Variants in CCDC66 observed in about 807,000 individuals in gnomAD.
CCDC66 encodes coiled-coil domain-containing protein 66.
A neutral mutation model predicts 128.3 loss-of-function variants in CCDC66; 133 were observed. The ratio of observed to expected loss-of-function variants is 1.04; its 90% CI spans 0.90 to 1.20. The LOEUF is 1.20. Among genes scored for constraint, CCDC66 ranks in the 50% most tolerant of loss-of-function variants. The pLI is 0.00. For synonymous variants in CCDC66, 387 were observed against 357.0 expected (o/e 1.08, Z -0.95); for missense variants, 1,126 against 1,075.5 (o/e 1.05, Z -0.66).
rs3064563 is a variant in CCDC66 at position 56,597,777 on chromosome 3, G to GTTTTTTTTTTTTTTTTTTTTTTTTTTT, written c.1404+3764_1404+3765insTTTTTTTTTTTTTTTTTTTTTTTTTTT. On this transcript the variant is annotated intron_variant, in intron 10 of 17. Coordinates refer to ENST00000394672, the MANE Select transcript of CCDC66 (RefSeq NM_001141947.3). ...TGTGGAGTCTAGGTTTTGTTTTGGG[G>GTTTTTTTTTTTTTTTTTTTTTTTTTTT]TTTTTTTTTTTTTTTGAGACAGAGC... Among the ~76,000 whole-genome samples, 44 of 87,952 alleles carry GTTTTTTTTTTTTTTTTTTTTTTTTTTT rather than the reference G, an allele frequency of 5.0e-4. 3 individuals are homozygous for GTTTTTTTTTTTTTTTTTTTTTTTTTTT. Among genetic ancestry groups the GTTTTTTTTTTTTTTTTTTTTTTTTTTT allele is most frequent in the African/African-American group, 1.4e-3 (34 of 23,806 alleles). The allele number at this position is 87,952 out of a possible 152,430, so 57.7% of individuals were successfully genotyped here.
intron 10 of CCDC66, among the ~76,000 whole-genome samples, chr3:56,596,182 G>T (rs1346023790): frequency 6.6e-6 from 1 of 152,170 alleles, no homozygotes; most frequent in African/African-American, 2.4e-5. Flanking sequence ...GCCTCCCAGA[G>T]TGCTGGGATT....
In CCDC66 at chr3:56,613,650, G is replaced by GA; in HGVS notation, c.1469dup (p.Lys491GlufsTer15). 6.2e-7 allele frequency: 1 copy of GA among 1,614,044 alleles called. No individual in the cohort carries two copies. The highest frequency in any genetic ancestry group is 8.5e-7 in the Non-Finnish European group (1 of 1,179,936). On this transcript the variant is annotated frameshift_variant, in exon 11 of 18. Coordinates refer to ENST00000394672, the MANE Select transcript of CCDC66 (RefSeq NM_001141947.3). LOFTEE classifies it high-confidence loss of function. ...AAGAAACAACTGGAGGAAGAGCAAAGAAAGAAGGAAGAACAAGAAGAGGAG... is the reference window on the plus strand; with the variant it reads ...AAGAAACAACTGGAGGAAGAGCAAAGAAAAGAAGGAAGAACAAGAAGAGGAG...
Position 56,588,554 on chromosome 3 carries a change from A to T in CCDC66, c.937-4416A>T, listed in dbSNP as rs545106736. On this transcript the variant is annotated intron_variant, in intron 7 of 17. Transcript: ENST00000394672. ...TCAACCTAAAAAATAAAAAGATCTCATGAGAACTTATCGCAATGATAGCAC... is the reference window on the plus strand; with the variant it reads ...TCAACCTAAAAAATAAAAAGATCTCTTGAGAACTTATCGCAATGATAGCAC... Among the ~76,000 whole-genome samples, 84 of 152,322 alleles carry T rather than the reference A, an allele frequency of 5.5e-4. No homozygotes were observed. In the South Asian group the frequency reaches 0.012, roughly 21 times the overall value.
At chr3:56,606,773 A>AG (rs1311825299) in intron 10 of CCDC66, among the ~76,000 whole-genome samples, 16 of 151,980 alleles carry the variant, frequency 1.1e-4, no homozygotes, top group Non-Finnish European at 2.1e-4. Flanking sequence ...TTATAGTTTC[A>AG]GGTCTTAGGT....
Position 56,580,326 on chromosome 3 carries a change from G to T in CCDC66, c.936+9024G>T, listed in dbSNP as rs537270104. Reference sequence around the variant, plus strand: ...GTCTCTGCATGTGAGATGGGTCTCCGGAATACAGCACACTGATGGGTCTTG... The same window carrying T: ...GTCTCTGCATGTGAGATGGGTCTCCTGAATACAGCACACTGATGGGTCTTG... On this transcript the variant is annotated intron_variant, in intron 7 of 17. Coordinates refer to ENST00000394672, the MANE Select transcript of CCDC66 (RefSeq NM_001141947.3). Among the ~76,000 whole-genome samples, 164 of 151,316 alleles carry T rather than the reference G, an allele frequency of 1.1e-3. 1 individual carries two copies. Among genetic ancestry groups the T allele is most frequent in the Non-Finnish European group, 7.6e-4 (52 of 67,992 alleles).
At position 56,590,426 on chromosome 3, in the gene CCDC66, G is replaced by C. The variant is rs554817839; in HGVS notation, c.937-2544G>C. On this transcript the variant is annotated intron_variant, in intron 7 of 17. Coordinates refer to ENST00000394672, the MANE Select transcript of CCDC66 (RefSeq NM_001141947.3). ...TTACATTAGGACTCTGTAACATCAG[G>C]AACTATTTTAGGGGAAGGTTGTAGT... 3.3e-5 allele frequency among the ~76,000 whole-genome samples: 5 copies of C among 152,208 alleles called. No individual in the cohort carries two copies. In the South Asian group the frequency reaches 1.0e-3, roughly 32 times the overall value.
chr3:56,592,313 C>A (rs1433768567), intron 7 of CCDC66, among the ~76,000 whole-genome samples: 2 of 152,164 alleles, frequency 1.3e-5, no homozygotes, highest in African/African-American at 2.4e-5. Flanking sequence ...CAATATTCAT[C>A]TGTTTTAAAT....
chr3:56,616,557 A>T (rs2075535054), intron 13 of CCDC66: 1 of 157,546 alleles, frequency 6.3e-6, no homozygotes, highest in African/African-American at 2.4e-5. Context: ...TTTATTCATG[A>T]GTTGATGAAC....
At chr3:56,563,415 T>C in intron 3 of CCDC66, 1 of 299,214 alleles carries the variant, frequency 3.3e-6, no homozygotes, top group Non-Finnish European at 6.0e-6. Flanking sequence ...AAAGAGATAA[T>C]GTAGGTGGTA....
intron 10 of CCDC66, among the ~76,000 whole-genome samples, chr3:56,610,720 G>A (rs1335528658): frequency 6.6e-6 from 1 of 152,138 alleles, no homozygotes; most frequent in African/African-American, 2.4e-5. Context: ...GGATTGTCTA[G>A]GGCTGAAGAG....
intron 3 of CCDC66, among the ~76,000 whole-genome samples, chr3:56,560,199 A>G (rs1056195028): frequency 6.6e-6 from 1 of 152,058 alleles, no homozygotes; most frequent in African/African-American, 2.4e-5. Context: ...TCAGAAATCT[A>G]TTGTGCTTTT....
At position 56,558,895 on chromosome 3, in the gene CCDC66, ATAT is replaced by A; in HGVS notation, c.63_65del (p.Ile21_Leu22delinsMet). 6.5e-7 allele frequency: 1 copy of A among 1,547,926 alleles called. No individual in the cohort carries two copies. The highest frequency in any genetic ancestry group is 8.7e-7 in the Non-Finnish European group (1 of 1,144,240). On this transcript the variant is annotated inframe_deletion, in exon 2 of 18. Transcript: ENST00000394672. ...ATTACTGGATGGAAAAACCAAGCTAATATTGTCTCCATATGGTATGTTGTGTTA... is the reference window on the plus strand; with the variant it reads ...ATTACTGGATGGAAAAACCAAGCTAATGTCTCCATATGGTATGTTGTGTTA...
chr3:56,586,609 A>T (rs35995233), intron 7 of CCDC66, among the ~76,000 whole-genome samples: 4,381 of 151,926 alleles, frequency 0.029, 127 homozygotes, highest in Middle Eastern at 0.078. Flanking sequence ...TAGTTTGTAC[A>T]GTAAACATCA....
At position 56,557,191 on chromosome 3, in the gene CCDC66, C is replaced by T; in HGVS notation, c.-52C>T. ...GCGCTTGCTGAGCGGCGGCGGCAAC[C>T]GACGTACACAAGGGGCTTGAGCGTT... On this transcript the variant is annotated 5_prime_UTR_variant, in exon 1 of 18. Coordinates refer to ENST00000394672, the MANE Select transcript of CCDC66 (RefSeq NM_001141947.3). 4 of 1,551,092 alleles carry T rather than the reference C, an allele frequency of 2.6e-6. No individual in the cohort carries two copies. Among genetic ancestry groups the T allele is most frequent in the South Asian group, 2.4e-5 (2 of 84,054 alleles).
At chr3:56,582,733 C>A (rs1202208804) in intron 7 of CCDC66, among the ~76,000 whole-genome samples, 1 of 151,406 alleles carries the variant, frequency 6.6e-6, no homozygotes, top group African/African-American at 2.4e-5. Context: ...TACTATTTTG[C>A]TTTCTTGATG....
intron 10 of CCDC66, among the ~76,000 whole-genome samples, chr3:56,595,997 C>T (rs1480133883): frequency 6.6e-6 from 1 of 152,212 alleles, no homozygotes; most frequent in Non-Finnish European, 1.5e-5. Context: ...TCACTGTAGC[C>T]TCATACCCCT....
chr3:56,582,013 G>A (rs931496177), intron 7 of CCDC66, among the ~76,000 whole-genome samples: 1 of 151,924 alleles, frequency 6.6e-6, no homozygotes, highest in Non-Finnish European at 1.5e-5. Flanking sequence ...GCCCCCAGAG[G>A]TGGAGTCTAC....
Position 56,593,717 on chromosome 3 carries a change from T to C in CCDC66, c.1295T>C (p.Val432Ala), listed in dbSNP as rs759341600. Reference protein sequence around the residue: ...EHIAKPIKDVVMANSKKTNFL... With the variant: ...EHIAKPIKDVAMANSKKTNFL... ...ATAGCAAAACCTATTAAGGATGTGG[T>C]TATGGCAAACAGTAAGAAAACAAAG... The change falls in exon 9 of 18, where the codon GTT becomes GCT. Residue 432 changes from valine (V) to alanine (A), a missense_variant. Coordinates refer to ENST00000394672, the MANE Select transcript of CCDC66 (RefSeq NM_001141947.3). 1 of 1,612,892 alleles carries C rather than the reference T, an allele frequency of 6.2e-7. No homozygotes were observed. Among genetic ancestry groups the C allele is most frequent in the Admixed American group, 1.7e-5 (1 of 59,992 alleles).
chr3:56,585,498 ATATATCAAGTTT>A (rs2069521359), intron 7 of CCDC66, among the ~76,000 whole-genome samples: 1 of 151,806 alleles, frequency 6.6e-6, no homozygotes, highest in Admixed American at 6.6e-5. Context: ...AGAAGTAATA[ATATATCAAGTTT>A]CATAGAAAAA....
Sources: allele counts gnomAD v4.1 joint callset (sites outside exome capture counted in the v4.1 genomes callset), GRCh38; gene constraint gnomAD v4.1.1; transcripts MANE v1.5; gene names NCBI Gene and HGNC (gene_info 2026-07-23, HGNC 2026-07-21).